Variants in ADGRL2 observed in about 807,000 individuals in gnomAD.
ADGRL2 encodes the protein adhesion G protein-coupled receptor L2.
Under a neutral mutation model 157.4 loss-of-function variants are expected in ADGRL2, and 44 were observed. The observed-to-expected ratio is 0.28, with a 90% CI of 0.22 to 0.36. The LOEUF (loss-of-function observed/expected upper bound fraction) is 0.36. Ranked by LOEUF, ADGRL2 falls within the 10% of genes least tolerant of loss-of-function variation. The pLI, the probability that ADGRL2 is intolerant of heterozygous loss-of-function variation, is 1.00. For synonymous variants in ADGRL2, 585 were observed against 624.7 expected (o/e 0.94, Z 0.95); for missense variants, 1,510 against 1,768.9 (o/e 0.85, Z 2.63).
chr1:81,549,972 C>A (rs2080106629), intron 2 of ADGRL2, among the ~76,000 whole-genome samples: 1 of 152,130 alleles, frequency 6.6e-6, no homozygotes, highest in African/African-American at 2.4e-5. Flanking sequence ...AGAAAAGCTT[C>A]TTTGTAAGGA....
chr1:81,468,937 A>G (rs751107207), intron 2 of ADGRL2, among the ~76,000 whole-genome samples: 8 of 152,202 alleles, frequency 5.3e-5, no homozygotes, highest in Non-Finnish European at 7.4e-5. Context: ...AGAAAATAGT[A>G]CAACCCAGTG....
At chr1:81,608,100 C>G (rs985299865) in intron 3 of ADGRL2, among the ~76,000 whole-genome samples, 4 of 152,164 alleles carry the variant, frequency 2.6e-5, no homozygotes, top group African/African-American at 9.7e-5. Flanking sequence ...ACTGGCAACT[C>G]TCGTGGGTTC....
intron 2 of ADGRL2, among the ~76,000 whole-genome samples, chr1:81,772,013 G>C (rs2149349220): frequency 6.6e-6 from 1 of 152,250 alleles, no homozygotes; most frequent in Middle Eastern, 3.4e-3. Flanking sequence ...ACTTTGGGAG[G>C]GGGAGACAGG....
At chr1:81,537,232 C>CTTTTAAAG (rs1425226361) in intron 2 of ADGRL2, among the ~76,000 whole-genome samples, 1 of 152,092 alleles carries the variant, frequency 6.6e-6, no homozygotes, top group Non-Finnish European at 1.5e-5. Context: ...ACATCTGTGC[C>CTTTTAAAG]TTTTAAAGTT....
intron 2 of ADGRL2, among the ~76,000 whole-genome samples, chr1:81,471,367 T>C (rs1363988695): frequency 6.6e-6 from 1 of 152,184 alleles, no homozygotes; most frequent in Non-Finnish European, 1.5e-5. Flanking sequence ...TCAGGAGATG[T>C]TTTAAATGGA....
chr1:81,605,544 G>A (rs2148651506), intron 3 of ADGRL2, among the ~76,000 whole-genome samples: 1 of 152,262 alleles, frequency 6.6e-6, no homozygotes, highest in East Asian at 1.9e-4. Context: ...ACATTGAAAA[G>A]GTTTATTTCT....
chr1:81,434,712 GCAGTTTTAA>G (rs2077379866), intron 1 of ADGRL2, among the ~76,000 whole-genome samples: 1 of 152,076 alleles, frequency 6.6e-6, no homozygotes, highest in South Asian at 2.1e-4. Context: ...CTCATATGAA[GCAGTTTTAA>G]CTGCAGCTGT....
chr1:81,406,204 C>T (rs180922655), intron 1 of ADGRL2, among the ~76,000 whole-genome samples: 48 of 152,080 alleles, frequency 3.2e-4, no homozygotes, highest in African/African-American at 1.2e-3. Flanking sequence ...TTTTTTTTAT[C>T]AGTGCAAATC....
At chr1:81,660,900 A>G (rs751334222) in intron 3 of ADGRL2, among the ~76,000 whole-genome samples, 5 of 152,234 alleles carry the variant, frequency 3.3e-5, no homozygotes, top group Non-Finnish European at 7.3e-5. Context: ...AATAGGGAAC[A>G]TAGAAAACAT....
At chr1:81,807,953 T>A (rs2149593244) in intron 1 of ADGRL2, among the ~76,000 whole-genome samples, 1 of 151,882 alleles carries the variant, frequency 6.6e-6, no homozygotes, top group African/African-American at 2.4e-5. Context: ...AAGCTTATTT[T>A]ATTATTATTA....
intron 1 of ADGRL2, among the ~76,000 whole-genome samples, chr1:81,753,521 A>G (rs1306565847): frequency 6.6e-6 from 1 of 152,212 alleles, no homozygotes; most frequent in Non-Finnish European, 1.5e-5. Context: ...GAGAGCATCA[A>G]GTAAATTTAT....
chr1:81,350,826 G>T (rs1465423103), intron 1 of ADGRL2, among the ~76,000 whole-genome samples: 1 of 152,052 alleles, frequency 6.6e-6, no homozygotes, highest in South Asian at 2.1e-4. Context: ...CTTGCATGTT[G>T]ACATTATCGC....
intron 1 of ADGRL2, among the ~76,000 whole-genome samples, chr1:81,354,901 C>T (rs1399110923): frequency 6.6e-6 from 1 of 152,178 alleles, no homozygotes; most frequent in African/African-American, 2.4e-5. Context: ...TAACCCGTGG[C>T]TGCCTCACAA....
chr1:81,625,644 A>G (rs2081894655), intron 3 of ADGRL2: 1 of 152,160 alleles, frequency 6.6e-6, no homozygotes, highest in South Asian at 2.1e-4. Context: ...CCAATTCTTA[A>G]GCTGTCTTAC....
intron 2 of ADGRL2, among the ~76,000 whole-genome samples, chr1:81,776,284 G>T (rs9662492): frequency 0.2 from 30,488 of 151,342 alleles, 3,379 homozygotes; most frequent in African/African-American, 0.29. Flanking sequence ...TGCCTCTCGA[G>T]TTCAAGCAAT....
At chr1:81,925,185 TG>T (rs1482439548) in intron 3 of ADGRL2, among the ~76,000 whole-genome samples, 3 of 152,122 alleles carry the variant, frequency 2.0e-5, no homozygotes, top group African/African-American at 7.2e-5. Context: ...TGTAGCACTT[TG>T]TTTTTAGAAT....
Position 81,970,461 on chromosome 1 carries a change from G to A in ADGRL2, c.2881G>A (p.Gly961Ser). 8.3e-6 allele frequency: 13 copies of A among 1,567,434 alleles called. No individual in the cohort carries two copies. Among genetic ancestry groups the A allele is most frequent in the Non-Finnish European group, 1.1e-5 (13 of 1,163,620 alleles). The change falls in exon 16 of 24, where the codon GGT becomes AGT. Residue 961 changes from glycine (G) to serine (S), a missense_variant. By Grantham distance (56) the Gly-to-Ser change is moderately conservative. This residue lies in a region of ADGRL2 where 497 missense variants were observed against 627.2 expected (regional missense o/e 0.79). Transcript: ENST00000686636. ...YSRKKYYYVAGYLFPATVVGV... is the reference protein window; with the variant it reads ...YSRKKYYYVASYLFPATVVGV... ...AAGGAAAAAATATTACTATGTTGCT[G>A]GTTACTTGTTTCCTGCCACAGTGGT...
chr1:81,344,514 T>C (rs1187000891), intron 1 of ADGRL2, among the ~76,000 whole-genome samples: 1 of 151,632 alleles, frequency 6.6e-6, no homozygotes, highest in Non-Finnish European at 1.5e-5. Flanking sequence ...CCATCTCTAC[T>C]AAAAATACAA....
At chr1:81,725,800 A>C (rs547254376) in intron 1 of ADGRL2, among the ~76,000 whole-genome samples, 1 of 152,276 alleles carries the variant, frequency 6.6e-6, no homozygotes, top group South Asian at 2.1e-4. Flanking sequence ...TGTAAAATAC[A>C]TTCTTAATTT....
Sources: allele counts gnomAD v4.1 joint callset (sites outside exome capture counted in the v4.1 genomes callset), GRCh38; gene constraint gnomAD v4.1.1; regional missense constraint gnomAD v4.1.1; transcripts MANE v1.5; gene names NCBI Gene and HGNC (gene_info 2026-07-23, HGNC 2026-07-21).